NRXN3: variants seen among roughly 807,000 people sequenced by gnomAD.
NRXN3 encodes the protein neurexin 3.
NRXN3 carries 32 observed loss-of-function variants against 137.6 expected under a neutral mutation model. The ratio of observed to expected loss-of-function variants is 0.23; its 90% CI spans 0.18 to 0.31. The LOEUF is 0.31. Among genes scored for constraint, NRXN3 ranks in the 10% least tolerant of loss-of-function variants. The pLI is 1.00. For synonymous variants in NRXN3, 798 were observed against 784.5 expected, an observed-to-expected ratio of 1.02 and a Z score of -0.29; for missense variants, 1,574 against 2,062.5, an observed-to-expected ratio of 0.76 and a Z score of 4.59.
chr14:78,712,841 G>A (rs2098415752), intron 7 of NRXN3, among the ~76,000 whole-genome samples: 1 of 152,194 alleles, frequency 6.6e-6, no homozygotes, highest in Non-Finnish European at 1.5e-5. Context: ...GGGATTACAG[G>A]CGTGAGCCAC....
At chr14:79,370,056 G>T (rs1233438052) in intron 15 of NRXN3, among the ~76,000 whole-genome samples, 1 of 152,146 alleles carries the variant, frequency 6.6e-6, no homozygotes, top group East Asian at 1.9e-4. Flanking sequence ...GTATTAATCA[G>T]ACAGAAAAGA....
intron 16 of NRXN3, among the ~76,000 whole-genome samples, chr14:79,634,352 A>C (rs2098386605): frequency 6.6e-6 from 1 of 152,172 alleles, no homozygotes; most frequent in African/African-American, 2.4e-5. Flanking sequence ...TGGCTCTTGC[A>C]ACCTTTCCAA....
intron 8 of NRXN3, among the ~76,000 whole-genome samples, chr14:78,791,579 T>G (rs1051372480): frequency 6.6e-6 from 1 of 152,104 alleles, no homozygotes; most frequent in Non-Finnish European, 1.5e-5. Flanking sequence ...CTGTTCCCAC[T>G]GAAAACTGAA....
chr14:78,662,176 A>G (rs142833038), intron 6 of NRXN3, among the ~76,000 whole-genome samples: 134 of 152,144 alleles, frequency 8.8e-4, no homozygotes, highest in African/African-American at 3.1e-3. Context: ...CAGGCCCAGA[A>G]TAAGCTTTTA....
chr14:79,378,596 G>A (rs1469419134), intron 15 of NRXN3, among the ~76,000 whole-genome samples: 2 of 152,142 alleles, frequency 1.3e-5, no homozygotes, highest in Non-Finnish European at 2.9e-5. Context: ...TGCATACCAT[G>A]GTGTGTTGTT....
At chr14:78,640,567 A>G (rs758601744) in intron 4 of NRXN3, among the ~76,000 whole-genome samples, 1 of 152,224 alleles carries the variant, frequency 6.6e-6, no homozygotes, top group Non-Finnish European at 1.5e-5. Context: ...TATTATATAA[A>G]TTATAAGTTG....
chr14:78,871,059 T>A (rs971952095), intron 10 of NRXN3, among the ~76,000 whole-genome samples: 1 of 149,062 alleles, frequency 6.7e-6, no homozygotes, highest in Admixed American at 6.8e-5. Flanking sequence ...ACTGATTTCC[T>A]TTCTTTTGGA....
At chr14:79,085,494 A>G (rs2047927404) in intron 15 of NRXN3, among the ~76,000 whole-genome samples, 1 of 152,206 alleles carries the variant, frequency 6.6e-6, no homozygotes, top group Admixed American at 6.5e-5. Context: ...CTGGAGAAGA[A>G]ATTGAAGTAA....
At chr14:79,240,709 C>CT (rs1170262848) in intron 15 of NRXN3, among the ~76,000 whole-genome samples, 1 of 152,190 alleles carries the variant, frequency 6.6e-6, no homozygotes, top group East Asian at 1.9e-4. Context: ...ATAAAACATC[C>CT]TTTTTTTCAT....
At chr14:79,345,521 G>C (rs931529755) in intron 15 of NRXN3, among the ~76,000 whole-genome samples, 2 of 152,166 alleles carry the variant, frequency 1.3e-5, no homozygotes, top group Admixed American at 1.3e-4. Flanking sequence ...TTAGCAGGAT[G>C]ATATAGTTTG....
chr14:78,451,095 T>G (rs1346309739), intron 4 of NRXN3, among the ~76,000 whole-genome samples: 1 of 152,196 alleles, frequency 6.6e-6, no homozygotes, highest in Non-Finnish European at 1.5e-5. Flanking sequence ...GGCCTGTCTC[T>G]GGCCACCTCT....
At chr14:78,691,625 A>C (rs1172359474) in intron 6 of NRXN3, among the ~76,000 whole-genome samples, 2 of 152,170 alleles carry the variant, frequency 1.3e-5, no homozygotes, top group African/African-American at 4.8e-5. Context: ...CATGGCTTGA[A>C]TAAGGGTAAG....
chr14:79,105,247 C>T (rs987327386), intron 15 of NRXN3, among the ~76,000 whole-genome samples: 1 of 152,060 alleles, frequency 6.6e-6, no homozygotes. Flanking sequence ...TTTATGAATA[C>T]TATTTTAATG....
At chr14:79,138,329 A>C (rs1472138101) in intron 15 of NRXN3, among the ~76,000 whole-genome samples, 2 of 152,118 alleles carry the variant, frequency 1.3e-5, no homozygotes, top group Admixed American at 1.3e-4. Flanking sequence ...AATGCCTTTT[A>C]AGTTTGGTAT....
intron 16 of NRXN3, among the ~76,000 whole-genome samples, chr14:79,658,653 C>T (rs749039033): frequency 6.6e-6 from 1 of 152,056 alleles, no homozygotes; most frequent in Non-Finnish European, 1.5e-5. Context: ...TAAACAGTGC[C>T]GCTCATTATT....
intron 10 of NRXN3, among the ~76,000 whole-genome samples, chr14:78,934,469 C>T (rs1567747875): frequency 6.6e-6 from 1 of 152,078 alleles, no homozygotes; most frequent in Non-Finnish European, 1.5e-5. Flanking sequence ...CCTCTATGGG[C>T]CCAGCAAGAG....
intron 15 of NRXN3, among the ~76,000 whole-genome samples, chr14:79,047,810 A>G (rs10147940): frequency 0.38 from 57,455 of 152,068 alleles, 11,343 homozygotes; most frequent in Admixed American, 0.49. Flanking sequence ...AGAACTACTG[A>G]AATTGTCATA....
At chr14:79,187,820 C>A (rs939537781) in intron 15 of NRXN3, among the ~76,000 whole-genome samples, 1 of 152,200 alleles carries the variant, frequency 6.6e-6, no homozygotes, top group African/African-American at 2.4e-5. Flanking sequence ...ATGCTCTCAG[C>A]TGGTGTGACT....
At chr14:79,082,981 G>T (rs73322888) in intron 15 of NRXN3, among the ~76,000 whole-genome samples, 1 of 152,142 alleles carries the variant, frequency 6.6e-6, no homozygotes, top group Non-Finnish European at 1.5e-5. Flanking sequence ...ATTGCCATTT[G>T]CATTCACAAC....
Sources: allele counts gnomAD v4.1 joint callset (sites outside exome capture counted in the v4.1 genomes callset), GRCh38; gene constraint gnomAD v4.1.1; transcripts MANE v1.5; gene names NCBI Gene and HGNC (gene_info 2026-07-23, HGNC 2026-07-21).